Variants in PPP2R2C observed in about 807,000 individuals in gnomAD.
PPP2R2C encodes the protein protein phosphatase 2 regulatory subunit Bgamma.
Under a neutral mutation model 45.3 loss-of-function variants are expected in PPP2R2C, and 10 were observed. The observed-to-expected ratio is 0.22, with a 90% confidence interval of 0.14 to 0.37. The LOEUF (loss-of-function observed/expected upper bound fraction) is 0.37. Ranked by LOEUF, PPP2R2C falls within the 10% of genes least tolerant of loss-of-function variation. The pLI is 1.00. For synonymous variants in PPP2R2C, 257 were observed against 245.4 expected, an observed-to-expected ratio of 1.05 and a Z score of -0.44; for missense variants, 308 against 619.7, an observed-to-expected ratio of 0.50 and a Z score of 5.34.
chr4:6,424,136 C>G (rs1003915122), intron 1 of PPP2R2C, among the ~76,000 whole-genome samples: 1 of 152,176 alleles, frequency 6.6e-6, no homozygotes, highest in Non-Finnish European at 1.5e-5. Context: ...AGGGGCTGCC[C>G]AGGGAAGGGG....
Position 6,350,266 on chromosome 4 carries a change from C to T in PPP2R2C, c.626-2256G>A, listed in dbSNP as rs140853217. On this transcript the variant is annotated intron_variant, in intron 5 of 8. Transcript: ENST00000382599. Reference sequence around the variant, plus strand: ...CAGCCCAGCCCTCCCAGGCCGAATGCCTCCCATGGCTTTCCAGGACACGCT... The same window carrying T: ...CAGCCCAGCCCTCCCAGGCCGAATGTCTCCCATGGCTTTCCAGGACACGCT... The T allele has an allele frequency of 2.9e-3, 2,875 of 985,486 alleles. 58 individuals carry two copies. The African/African-American group carries it at 0.047, about 16-fold the overall frequency. 61.0% of individuals were successfully genotyped at this position (985,486 alleles called of 1,614,324 possible).
intron 1 of PPP2R2C, among the ~76,000 whole-genome samples, chr4:6,385,154 T>C (rs77911941): frequency 0.025 from 3,879 of 152,262 alleles, 68 homozygotes; most frequent in East Asian, 0.078. Flanking sequence ...AATGTGGCGA[T>C]GGATCTGGGC....
intron 1 of PPP2R2C, among the ~76,000 whole-genome samples, chr4:6,409,024 A>G (rs573060635): frequency 1.3e-5 from 2 of 152,250 alleles, no homozygotes; most frequent in Admixed American, 6.5e-5. Context: ...GCAAACAGCT[A>G]GAGTGAAAGC....
chr4:6,347,357 C>T (rs886394408), intron 6 of PPP2R2C, among the ~76,000 whole-genome samples: 3 of 152,114 alleles, frequency 2.0e-5, no homozygotes, highest in African/African-American at 7.2e-5. Context: ...ACCCCCACAG[C>T]AGGCCTGTGG....
intron 8 of PPP2R2C, among the ~76,000 whole-genome samples, chr4:6,326,711 G>A (rs1339153974): frequency 6.6e-6 from 1 of 152,228 alleles, no homozygotes; most frequent in Admixed American, 6.5e-5. Flanking sequence ...TCAAGCACAC[G>A]GTGGCGAGGG....
At chr4:6,404,454 C>T (rs1001130309) in intron 1 of PPP2R2C, among the ~76,000 whole-genome samples, 8 of 152,222 alleles carry the variant, frequency 5.3e-5, no homozygotes, top group Admixed American at 2.6e-4. Flanking sequence ...GTATGCACAG[C>T]ACTTTGCAGA....
At chr4:6,370,440 A>G (rs908415631) in intron 5 of PPP2R2C, among the ~76,000 whole-genome samples, 7 of 152,064 alleles carry the variant, frequency 4.6e-5, no homozygotes, top group Admixed American at 2.0e-4. Flanking sequence ...CCCCTCCCCC[A>G]CATCCAGGGG....
chr4:6,559,134 A>C (rs1437423741), intron 1 of PPP2R2C, among the ~76,000 whole-genome samples: 5 of 152,156 alleles, frequency 3.3e-5, no homozygotes, highest in Non-Finnish European at 7.4e-5. Flanking sequence ...ACAGAACCTA[A>C]ATTTAAACAC....
At chr4:6,439,551 C>T (rs977934135) in intron 1 of PPP2R2C, among the ~76,000 whole-genome samples, 1 of 152,156 alleles carries the variant, frequency 6.6e-6, no homozygotes, top group African/African-American at 2.4e-5. Flanking sequence ...ATGGATGGCT[C>T]TGGTCAGTAC....
At chr4:6,351,271 C>A in intron 5 of PPP2R2C, 1 of 642,638 alleles carries the variant, frequency 1.6e-6, no homozygotes, top group Non-Finnish European at 1.9e-6. Flanking sequence ...TGAGATCGCG[C>A]CACTGCACTC....
chr4:6,547,787 C>T (rs1725042035), intron 1 of PPP2R2C, among the ~76,000 whole-genome samples: 1 of 152,148 alleles, frequency 6.6e-6, no homozygotes, highest in African/African-American at 2.4e-5. Context: ...ACACAGGCCT[C>T]TCATCTCAGA....
chr4:6,372,943 C>A (rs1401781940), intron 4 of PPP2R2C, among the ~76,000 whole-genome samples: 1 of 152,206 alleles, frequency 6.6e-6, no homozygotes, highest in African/African-American at 2.4e-5. Flanking sequence ...CCCTCCTATA[C>A]CCCAATTTCC....
chr4:6,511,486 T>G (rs1452337937), intron 2 of PPP2R2C, among the ~76,000 whole-genome samples: 95 of 12,624 alleles, frequency 7.5e-3, no homozygotes, highest in Non-Finnish European at 8.5e-3. Context: ...GATGGCGGTG[T>G]TGGTGGTGAT....
At chr4:6,538,000 T>C (rs1463807528) in intron 1 of PPP2R2C, among the ~76,000 whole-genome samples, 1 of 152,088 alleles carries the variant, frequency 6.6e-6, no homozygotes, top group African/African-American at 2.4e-5. Context: ...TTGGTGTTAA[T>C]GGGTACAAAG....
chr4:6,383,584 G>A, intron 1 of PPP2R2C: 1 of 602,524 alleles, frequency 1.7e-6, no homozygotes, highest in Non-Finnish European at 2.5e-6. Context: ...CTGCCCCACT[G>A]CTGCCTTCCC....
chr4:6,457,636 A>C (rs1330774962), intron 1 of PPP2R2C, among the ~76,000 whole-genome samples: 1 of 152,156 alleles, frequency 6.6e-6, no homozygotes, highest in Non-Finnish European at 1.5e-5. Flanking sequence ...AGCCTCCCAA[A>C]GTGCTTGGAT....
In PPP2R2C at chr4:6,354,805, G is replaced by A. The variant is rs73795997; in HGVS notation, c.626-6795C>T. Among the ~76,000 whole-genome samples, 551 of 152,180 alleles carry A rather than the reference G, an allele frequency of 3.6e-3. 3 individuals carry two copies. The highest frequency in any genetic ancestry group is 0.013 in the African/African-American group (525 of 41,524). On this transcript the variant is annotated intron_variant, in intron 5 of 8. Transcript: ENST00000382599. Reference sequence around the variant, plus strand: ...GGGTGCGTGATTGCGAATCCAGCTTGGGTTCCTCCGCCCACAGCCCCCCAC... The same window carrying A: ...GGGTGCGTGATTGCGAATCCAGCTTAGGTTCCTCCGCCCACAGCCCCCCAC...
chr4:6,549,586 C>T (rs1000065825), intron 1 of PPP2R2C, among the ~76,000 whole-genome samples: 1 of 152,222 alleles, frequency 6.6e-6, no homozygotes, highest in Non-Finnish European at 1.5e-5. Context: ...AACACCGGCT[C>T]CTTCCTGCTC....
intron 5 of PPP2R2C, chr4:6,350,845 T>C (rs1045903904): frequency 2.2e-5 from 22 of 985,420 alleles, no homozygotes; most frequent in Non-Finnish European, 2.5e-5. Context: ...AGCCAGCCTG[T>C]GACGGCCACA....
Sources: allele counts gnomAD v4.1 joint callset (sites outside exome capture counted in the v4.1 genomes callset), GRCh38; gene constraint gnomAD v4.1.1; transcripts MANE v1.5; gene names NCBI Gene and HGNC (gene_info 2026-07-23, HGNC 2026-07-21).